FAM186B: variants seen among roughly 807,000 people sequenced by gnomAD.
The protein encoded by FAM186B is protein FAM186B.
A neutral mutation model predicts 83.4 loss-of-function variants in FAM186B; 68 were observed. That is an observed-to-expected ratio of 0.81 (90% CI 0.67 to 1.00). FAM186B has a LOEUF of 1.00. Ranked by LOEUF, FAM186B falls within the 50% of genes least tolerant of loss-of-function variation. The pLI, the probability that FAM186B is intolerant of heterozygous loss-of-function variation, is 0.00. For synonymous variants in FAM186B, 389 were observed against 422.0 expected, an observed-to-expected ratio of 0.92 and a Z score of 0.96; for missense variants, 983 against 1,099.2, an observed-to-expected ratio of 0.89 and a Z score of 1.49.
the FAM186B span, among the ~76,000 whole-genome samples, chr12:49,621,421 G>A: frequency 6.6e-6 from 1 of 152,178 alleles, no homozygotes; most frequent in African/African-American, 2.4e-5. Context: ...ATGCCCAGGA[G>A]AATGAGAAAA....
At chr12:49,621,459 A>G in the FAM186B span, among the ~76,000 whole-genome samples, 5 of 152,188 alleles carry the variant, frequency 3.3e-5, no homozygotes, top group African/African-American at 1.2e-4. Context: ...GATGTGCAGC[A>G]AGGTGAGGGG....
rs1328530021 is a variant in FAM186B, at chr12:49,600,962, G to C, written c.678C>G (p.Ser226Arg). The change falls in exon 4 of 7, where the codon AGC (serine) becomes AGG (arginine). Residue 226 changes from serine to arginine, a missense_variant. By Grantham distance (110) the Ser-to-Arg change is moderately radical (BLOSUM62 -1). Coordinates refer to ENST00000257894, the MANE Select transcript of FAM186B (RefSeq NM_032130.3). This position sits in a 1 kb window ranked among gnomAD's most constrained non-coding sequence, Gnocchi z 4.3. The stretch of plus-strand genomic sequence containing the variant: ...ACCTGATGGCCCTGACCTCCCCCTT[G>C]CTGAACATGGTAGAGTCCAGGAGCT... ...LQELLDSTMF[S>R]KGEVRAIRYM... is the part of the protein sequence containing the mutation. 1 of 1,613,958 alleles carries C rather than the reference G, an allele frequency of 6.2e-7. No homozygotes were observed. Among genetic ancestry groups the C allele is most frequent in the Non-Finnish European group, 8.5e-7 (1 of 1,179,972 alleles).
chr12:49,587,524 T>C lies in FAM186B; in HGVS notation c.*81A>G. On this transcript the variant is annotated 3_prime_UTR_variant, in exon 7 of 7. Coordinates refer to ENST00000257894, the MANE Select transcript of FAM186B (RefSeq NM_032130.3). ...TCATTGTTAAAGCCTGGAGAGAGAT[T>C]TATTGGGGAGAATCCACATTGACCA... 6.4e-7 allele frequency: 1 copy of C among 1,561,194 alleles called. No individual in the cohort carries two copies. The highest frequency in any genetic ancestry group is 8.8e-7 in the Non-Finnish European group (1 of 1,132,156).
At chr12:49,622,526 C>T in the FAM186B span, 1 of 152,248 alleles carries the variant, frequency 6.6e-6, no homozygotes, top group African/African-American at 2.4e-5. Context: ...AAGAAAACCG[C>T]AGAGCTGGGC....
chr12:49,598,734 G>C, intron 5 of FAM186B, 21 bp downstream of exon 5: 1 of 1,549,430 alleles, frequency 6.5e-7, no homozygotes, highest in Non-Finnish European at 8.7e-7. Flanking sequence ...AGTGGCGGGG[G>C]GGTCAGGGCG....
At chr12:49,612,556 A>G in the FAM186B span, among the ~76,000 whole-genome samples, 2 of 151,458 alleles carry the variant, frequency 1.3e-5, no homozygotes, top group Non-Finnish European at 2.9e-5. Flanking sequence ...TTAGTTCATT[A>G]GCTATTGTTA....
At chr12:49,588,210 G>A (rs1306806057) in intron 6 of FAM186B, among the ~76,000 whole-genome samples, 6 of 152,170 alleles carry the variant, frequency 3.9e-5, no homozygotes, top group Non-Finnish European at 7.3e-5. Flanking sequence ...TCTTTCCGTC[G>A]CATAGTTTGA....
At chr12:49,622,009 A>C in the FAM186B span, among the ~76,000 whole-genome samples, 1 of 152,284 alleles carries the variant, frequency 6.6e-6, no homozygotes, top group Non-Finnish European at 1.5e-5. Context: ...TGTTCTAAGA[A>C]ATATTTCATT....
rs1939998964 is a variant in FAM186B at position 49,605,495 on chromosome 12, G to A, written c.-18C>T. The A allele has an allele frequency of 3.7e-6, 6 of 1,609,862 alleles. No individual in the cohort carries two copies. The highest frequency in any genetic ancestry group is 5.1e-6 in the Non-Finnish European group (6 of 1,177,958). ...TTCTCCATTTTGGATCACTCTGTCA[G>A]TCACAAAACATCCTGTGTTTCTGGT... On this transcript the variant is annotated 5_prime_UTR_variant, in exon 1 of 7. Transcript: ENST00000257894.
At chr12:49,586,535 G>A (rs1939446794), downstream of FAM186B, among the ~76,000 whole-genome samples, 1 of 152,206 alleles carries the variant, frequency 6.6e-6, no homozygotes, top group Non-Finnish European at 1.5e-5. Context: ...GCAGGGAAGG[G>A]ATGCGGAGAG....
upstream of FAM186B, among the ~76,000 whole-genome samples, chr12:49,605,983 C>G (rs1212583543): frequency 6.6e-6 from 1 of 151,754 alleles, no homozygotes; most frequent in Admixed American, 6.6e-5. Flanking sequence ...AGGATGGTCT[C>G]GATCTCCTGA....
chr12:49,616,896 G>C, the FAM186B span, among the ~76,000 whole-genome samples: 1 of 152,194 alleles, frequency 6.6e-6, no homozygotes, highest in African/African-American at 2.4e-5. Flanking sequence ...GTTTTGTAAT[G>C]CTCGAGACTG....
At position 49,604,504 on chromosome 12, in the gene FAM186B, T is replaced by C; in HGVS notation, c.131A>G (p.Asn44Ser). 2 of 1,614,204 alleles carry C rather than the reference T, an allele frequency of 1.2e-6. No individual in the cohort carries two copies. The highest frequency in any genetic ancestry group is 1.7e-6 in the Non-Finnish European group (2 of 1,180,028). The stretch of plus-strand genomic sequence containing the variant: ...GAAGCGGTTGATGACACAATTGACA[T>C]TGTCCAAAATGTCTGAGAGCTGGGT... The part of the protein sequence containing the change: ...ISTQLSDILD[N>S]VNCVINRFQE... The change falls in exon 2 of 7, where the codon AAT (asparagine) becomes AGT (serine). Residue 44 changes from asparagine to serine, a missense_variant. Physicochemically the swap from Asn to Ser is conservative, Grantham distance 46 (BLOSUM62 1). Coordinates refer to ENST00000257894, the MANE Select transcript of FAM186B (RefSeq NM_032130.3).
Position 49,597,204 on chromosome 12 carries a change from T to C in FAM186B, c.2364+1551A>G, listed in dbSNP as rs111722077. Among the ~76,000 whole-genome samples, 1,126 of 152,280 alleles carry C rather than the reference T, an allele frequency of 7.4e-3. 12 individuals carry two copies. The highest frequency in any genetic ancestry group is 0.026 in the African/African-American group (1,060 of 41,534). On this transcript the variant is annotated intron_variant, in intron 5 of 6. Coordinates refer to ENST00000257894, the MANE Select transcript of FAM186B (RefSeq NM_032130.3). ...TAATGTTCACACAACAAAAAATTGC[T>C]TAACAACACATTTCCCATAACAACC...
downstream of FAM186B, among the ~76,000 whole-genome samples, chr12:49,586,812 G>A (rs1019664668): frequency 5.3e-5 from 8 of 152,234 alleles, no homozygotes; most frequent in South Asian, 6.2e-4. Flanking sequence ...ATTTCAGAGC[G>A]CAGGTGCGGC....
intron 4 of FAM186B, 146 bp downstream of exon 4, chr12:49,599,323 C>G (rs1027277702): frequency 1.5e-6 from 2 of 1,337,422 alleles, no homozygotes; most frequent in African/African-American, 3.0e-5. Flanking sequence ...ACTTGCTTTC[C>G]AGGCCCCCAC....
In FAM186B at chr12:49,599,819, C is replaced by T; in HGVS notation, c.1821G>A (p.Lys607=). The T allele has an allele frequency of 6.2e-7, 1 of 1,612,242 alleles. No individual in the cohort carries two copies. The highest frequency in any genetic ancestry group is 8.5e-7 in the Non-Finnish European group (1 of 1,178,986). Residue 607 remains lysine (K), a synonymous_variant, in exon 4 of 7, where the codon AAG becomes AAA. Coordinates refer to ENST00000257894, the MANE Select transcript of FAM186B (RefSeq NM_032130.3). ...SPSTQQPALG[K]QRPMSSVEFT... ...ACTCCACTGAACTCATAGGTCTCTG[C>T]TTTCCCAGGGCAGGCTGCTGGGTAC...
chr12:49,599,323 C>T lies in FAM186B; in HGVS notation c.2171+146G>A, dbSNP rs1027277702. ...AAGGCCCCAGGCCAGACTTGCTTTC[C>T]AGGCCCCCACTCAGGAGACCCTGTC... On this transcript the variant is annotated intron_variant, in intron 4 of 6. Transcript: ENST00000257894. 9 of 1,337,422 alleles carry T rather than the reference C, an allele frequency of 6.7e-6. No individual in the cohort carries two copies. The South Asian group carries it at 1.0e-4, about 15-fold the overall frequency. 82.8% of individuals were successfully genotyped at this position (1,337,422 alleles called of 1,614,324 possible).
Position 49,600,525 on chromosome 12 carries a change from G to T in FAM186B, c.1115C>A (p.Pro372His). Reference protein sequence around the residue: ...MKEEQLFSPLPPSPMAMIRDS... With the variant: ...MKEEQLFSPLHPSPMAMIRDS... ...CCGTATCATGGCCATGGGACTTGGGGGAAGTGGCGAGAACAACTGCTCCTC... is the reference window on the plus strand; with the variant it reads ...CCGTATCATGGCCATGGGACTTGGGTGAAGTGGCGAGAACAACTGCTCCTC... The change falls in exon 4 of 7, where the codon CCC (proline) becomes CAC (histidine). Residue 372 changes from proline (P) to histidine (H), a missense_variant. Transcript: ENST00000257894. This position sits in a 1 kb window ranked among gnomAD's most constrained non-coding sequence, Gnocchi z 4.3. 1 of 1,613,990 alleles carries T rather than the reference G, an allele frequency of 6.2e-7. No homozygotes were observed. Among genetic ancestry groups the T allele is most frequent in the Non-Finnish European group, 8.5e-7 (1 of 1,179,970 alleles).
Sources: gnomAD v4.1 joint callset for allele counts (sites outside exome capture counted in the v4.1 genomes callset) on GRCh38, gnomAD v4.1.1 for gene constraint, Gnocchi (gnomAD v3.1) non-coding constraint, MANE v1.5 for transcripts, NCBI Gene and HGNC (gene_info 2026-07-23, HGNC 2026-07-21) for gene names.